PRKN: variants seen among roughly 807,000 people sequenced by gnomAD.
PRKN encodes E3 ubiquitin-protein ligase parkin.
In PRKN, 56 loss-of-function variants were observed where a neutral mutation model predicts 59.5. The observed-to-expected ratio is 0.94, with a 90% CI of 0.76 to 1.18. The LOEUF is 1.18. Among genes scored for constraint, PRKN ranks in the 50% most tolerant of loss-of-function variants. PRKN has a pLI of 0.00. For missense variants in PRKN, 657 were observed against 596.4 expected, an observed-to-expected ratio of 1.10 and a Z score of -1.06; for synonymous variants, 250 against 222.1, an observed-to-expected ratio of 1.13 and a Z score of -1.12.
At chr6:162,557,009 T>A (rs1289105112) in intron 1 of PRKN, among the ~76,000 whole-genome samples, 1 of 152,138 alleles carries the variant, frequency 6.6e-6, no homozygotes, top group African/African-American at 2.4e-5. Context: ...ATCTTTTATA[T>A]CCAAGCAATA....
intron 6 of PRKN, among the ~76,000 whole-genome samples, chr6:161,841,230 G>A (rs977826497): frequency 6.6e-6 from 1 of 152,208 alleles, no homozygotes; most frequent in East Asian, 1.9e-4. Context: ...CACAGCAAGA[G>A]GGTGAGGAGG....
chr6:161,670,884 C>T (rs540747051), intron 7 of PRKN, among the ~76,000 whole-genome samples: 1 of 152,166 alleles, frequency 6.6e-6, no homozygotes, highest in South Asian at 2.1e-4. Context: ...TCCAGTATGA[C>T]CTTATCTTAC....
rs760549389 is a variant in PRKN, at chr6:161,720,513, AG to A, written c.871+65258del. Among the ~76,000 whole-genome samples the A allele has an allele frequency of 1.0e-3, 144 of 143,888 alleles. 1 individual carries two copies. Among genetic ancestry groups the A allele is most frequent in the Non-Finnish European group, 7.5e-4 (50 of 67,086 alleles). The allele number at this position is 143,888 out of a possible 152,430, so 94.4% of individuals were successfully genotyped here. On this transcript the variant is annotated intron_variant, in intron 7 of 11. Coordinates refer to ENST00000366898, the MANE Select transcript of PRKN (RefSeq NM_004562.3). ...CATTTCAGAGGGCACTGATGGGCAC[AG>A]GTGGGGGGGGGCAGGTGGGCAGAAG...
chr6:161,710,878 TC>T (rs56653868), intron 7 of PRKN, among the ~76,000 whole-genome samples: 1,687 of 116,456 alleles, frequency 0.014, 52 homozygotes, highest in African/African-American at 0.05. Flanking sequence ...CTTCCTTCCT[TC>T]CTTCTCTCCC....
chr6:162,498,847 C>T (rs1005521929), intron 1 of PRKN, among the ~76,000 whole-genome samples: 6 of 152,124 alleles, frequency 3.9e-5, no homozygotes, highest in African/African-American at 1.4e-4. Flanking sequence ...TAGCCGTTAA[C>T]TGCTGTTTTA....
At chr6:162,457,896 A>G (rs1479504369) in intron 1 of PRKN, among the ~76,000 whole-genome samples, 1 of 151,788 alleles carries the variant, frequency 6.6e-6, no homozygotes, top group Non-Finnish European at 1.5e-5. Flanking sequence ...CGAGGTGGGC[A>G]GATCACTTGA....
intron 1 of PRKN, among the ~76,000 whole-genome samples, chr6:162,633,963 G>C (rs1200801569): frequency 6.6e-6 from 1 of 152,096 alleles, no homozygotes; most frequent in Non-Finnish European, 1.5e-5. Context: ...GGAGAAATGA[G>C]ACAGTTACAG....
chr6:161,790,987 C>T (rs1054945521), intron 6 of PRKN, among the ~76,000 whole-genome samples: 1 of 152,128 alleles, frequency 6.6e-6, no homozygotes, highest in African/African-American at 2.4e-5. Flanking sequence ...CATTTCAGAG[C>T]AGGACCCGCC....
chr6:161,878,722 A>G (rs1794823692), intron 6 of PRKN, among the ~76,000 whole-genome samples: 1 of 152,180 alleles, frequency 6.6e-6, no homozygotes, highest in Non-Finnish European at 1.5e-5. Flanking sequence ...AGCCTTGTAG[A>G]GAATCCCAAA....
chr6:161,347,997 G>C lies in PRKN; in HGVS notation c.*2102C>G, dbSNP rs930817992. The C allele has an allele frequency of 1.7e-5, 3 of 178,904 alleles. No homozygotes were observed. Among genetic ancestry groups the C allele is most frequent in the Non-Finnish European group, 3.6e-5 (3 of 83,598 alleles). 11.1% of individuals were successfully genotyped at this position (178,904 alleles called of 1,614,324 possible). On this transcript the variant is annotated 3_prime_UTR_variant, in exon 12 of 12. Transcript: ENST00000366898. ...CCAAGAAGGGAAAGGAGACCATGCT[G>C]GACAGCCTAATAGTCTAACAGGGGA...
intron 2 of PRKN, among the ~76,000 whole-genome samples, chr6:162,389,737 C>T (rs1026762706): frequency 3.3e-5 from 5 of 152,174 alleles, no homozygotes; most frequent in African/African-American, 9.7e-5. Context: ...CCAAGATTAT[C>T]CTTCTAATAA....
intron 2 of PRKN, among the ~76,000 whole-genome samples, chr6:162,380,446 T>C (rs1218959520): frequency 2.2e-5 from 2 of 89,926 alleles, no homozygotes; most frequent in African/African-American, 1.2e-4. Context: ...TATATATATA[T>C]GTATATATAC....
chr6:161,643,597 CTTTA>C lies in PRKN; in HGVS notation c.872-74185_872-74182del, dbSNP rs979940828. Among the ~76,000 whole-genome samples the C allele has an allele frequency of 3.0e-3, 463 of 152,224 alleles. 4 individuals carry two copies. Among genetic ancestry groups the C allele is most frequent in the African/African-American group, 0.011 (438 of 41,512 alleles). On this transcript the variant is annotated intron_variant, in intron 7 of 11. Transcript: ENST00000366898. ...ATTAAGAAGTGTATATTGCAATCTACTTTATTTAGGTATTCCAAAGATGTCATAT... is the reference window on the plus strand; with the variant it reads ...ATTAAGAAGTGTATATTGCAATCTACTTTAGGTATTCCAAAGATGTCATAT...
At chr6:162,017,898 C>CGG (rs1180865472) in intron 5 of PRKN, among the ~76,000 whole-genome samples, 5 of 134,064 alleles carry the variant, frequency 3.7e-5, no homozygotes, top group African/African-American at 1.5e-4. Flanking sequence ...AAAAGAAACC[C>CGG]CGAGAGAGCC....
At chr6:162,021,094 C>A (rs1783131266) in intron 5 of PRKN, among the ~76,000 whole-genome samples, 1 of 103,978 alleles carries the variant, frequency 9.6e-6, no homozygotes, top group Non-Finnish European at 1.8e-5. Context: ...CAGAACGAGA[C>A]TCTGTCTCAA....
intron 4 of PRKN, among the ~76,000 whole-genome samples, chr6:162,195,207 A>C (rs1258953834): frequency 1.3e-5 from 2 of 152,226 alleles, no homozygotes; most frequent in African/African-American, 2.4e-5. Context: ...TACTGTCAAT[A>C]ACATAAAATA....
intron 2 of PRKN, among the ~76,000 whole-genome samples, chr6:162,293,126 G>A (rs1260532358): frequency 6.6e-6 from 1 of 152,166 alleles, no homozygotes; most frequent in African/African-American, 2.4e-5. Flanking sequence ...AGATGTAAAG[G>A]GAAGGAAAAG....
rs1173321406 is a variant in PRKN at position 161,400,465 on chromosome 6, G to A, written c.1084-13588C>T. ...TGGAATTACAGGTGTGTGCCACCAC[G>A]CCCAGCTAATTTTTGTATTTTTAGT... On this transcript the variant is annotated intron_variant, in intron 9 of 11. Coordinates refer to ENST00000366898, the MANE Select transcript of PRKN (RefSeq NM_004562.3). This position sits in a 1 kb window ranked among gnomAD's most constrained non-coding sequence, Gnocchi z 4.2. 4.6e-5 allele frequency among the ~76,000 whole-genome samples: 7 copies of A among 151,822 alleles called. No homozygotes were observed. Among genetic ancestry groups the A allele is most frequent in the African/African-American group, 9.7e-5 (4 of 41,278 alleles).
intron 4 of PRKN, among the ~76,000 whole-genome samples, chr6:162,121,847 T>C (rs1421913332): frequency 6.6e-6 from 1 of 152,166 alleles, no homozygotes; most frequent in Non-Finnish European, 1.5e-5. Flanking sequence ...TCAGGCCTTA[T>C]TTACAGATGA....
Sources: gnomAD v4.1 joint callset for allele counts (sites outside exome capture counted in the v4.1 genomes callset) on GRCh38, gnomAD v4.1.1 for gene constraint, Gnocchi (gnomAD v3.1) non-coding constraint, MANE v1.5 for transcripts, NCBI Gene and HGNC (gene_info 2026-07-23, HGNC 2026-07-21) for gene names.